Variants in ITFG2 observed in about 807,000 individuals in gnomAD.
ITFG2 encodes KICSTOR complex protein ITFG2.
A neutral mutation model predicts 54.4 loss-of-function variants in ITFG2; 36 were observed. That is an observed-to-expected ratio of 0.66 (90% CI 0.51 to 0.87). The LOEUF (loss-of-function observed/expected upper bound fraction) is 0.87. Ranked by LOEUF, ITFG2 falls within the 40% of genes least tolerant of loss-of-function variation. ITFG2 has a pLI of 0.00. For synonymous variants in ITFG2, 211 were observed against 225.4 expected, an observed-to-expected ratio of 0.94 and a Z score of 0.57; for missense variants, 524 against 576.7, an observed-to-expected ratio of 0.91 and a Z score of 0.94.
intron 4 of ITFG2, chr12:2,819,816 G>T (rs971603582): frequency 1.4e-4 from 43 of 300,004 alleles, no homozygotes; most frequent in African/African-American, 9.1e-4. Flanking sequence ...GTAGGTGGTG[G>T]GAGATACGTG....
rs778583431 is a variant in ITFG2 at position 2,855,211 on chromosome 12, C to T, written n.301-2801C>T. On this transcript the variant is annotated intron_variant and non_coding_transcript_variant, in intron 2 of 3. Transcript: ENST00000537710. ...CTGGGTGGGGAAGGTGGCAGGCAGA[C>T]GGCACACATCGAGCCACGTGTGAAA... The T allele has an allele frequency of 1.1e-5, 16 of 1,504,574 alleles. 1 individual carries two copies. The highest frequency in any genetic ancestry group is 4.9e-5 in the East Asian group (2 of 40,480). The allele number at this position is 1,504,574 out of a possible 1,614,324, so 93.2% of individuals were successfully genotyped here.
intron 2 of ITFG2, chr12:2,857,035 G>T: frequency 1.4e-6 from 1 of 702,946 alleles, no homozygotes; most frequent in Non-Finnish European, 2.6e-6. Flanking sequence ...ATTCTTCTGG[G>T]CCTCAGAGCC....
chr12:2,834,572 T>A, upstream of ITFG2: 1 of 1,515,484 alleles, frequency 6.6e-7, no homozygotes, highest in Non-Finnish European at 8.8e-7. Context: ...TGGTCCTGCC[T>A]CCTGCTCAGG....
rs117429399 is a variant in ITFG2, at chr12:2,845,838, A to G, written n.300+4843A>G. ...GGAGGTTGCTCATGCTTGCCAGCCAAGTGTATGTAGGCTGAGCTGGGGTGA... is the reference window on the plus strand; with the variant it reads ...GGAGGTTGCTCATGCTTGCCAGCCAGGTGTATGTAGGCTGAGCTGGGGTGA... On this transcript the variant is annotated intron_variant and non_coding_transcript_variant, in intron 2 of 3. Transcript: ENST00000537710. The surrounding 1 kb of genome is among the most constrained non-coding windows in gnomAD (Gnocchi z 4.2). Among the ~76,000 whole-genome samples the G allele has an allele frequency of 6.6e-5, 10 of 152,062 alleles. No homozygotes were observed. The East Asian group carries it at 1.9e-3, about 29-fold the overall frequency.
In ITFG2 at chr12:2,818,374, T is replaced by C. The variant is rs1370824122; in HGVS notation, c.406+97T>C. 5.1e-6 allele frequency: 8 copies of C among 1,559,516 alleles called. No individual in the cohort carries two copies. The East Asian group carries it at 1.9e-4, about 36-fold the overall frequency. On this transcript the variant is annotated intron_variant, in intron 4 of 11. Transcript: ENST00000228799. ...TTGGGGTGAGAGGGAGAATCCGTAT[T>C]CATGTATGCATTTGTTATGTGCTGA...
rs1331566267 is a variant in ITFG2, at chr12:2,845,736, T to C, written n.300+4741T>C. ...GAGTGGATCTTTAGGCAGATACAGA[T>C]ACAGAGATTCCCCCCACCCCACCCC... is the stretch of plus-strand genomic sequence containing the variant. On this transcript the variant is annotated intron_variant and non_coding_transcript_variant, in intron 2 of 3. Transcript: ENST00000537710. The surrounding 1 kb of genome is among the most constrained non-coding windows in gnomAD (Gnocchi z 4.2). Among the ~76,000 whole-genome samples the C allele has an allele frequency of 1.3e-5, 2 of 152,060 alleles. No homozygotes were observed. Among genetic ancestry groups the C allele is most frequent in the Admixed American group, 6.6e-5 (1 of 15,244 alleles).
chr12:2,814,641 G>A (rs961109679), intron 1 of ITFG2, among the ~76,000 whole-genome samples: 11 of 152,120 alleles, frequency 7.2e-5, no homozygotes, highest in African/African-American at 2.7e-4. Flanking sequence ...ACCAGCCTGG[G>A]CAACACAGGG....
intron 2 of ITFG2, among the ~76,000 whole-genome samples, chr12:2,842,967 T>C (rs1411311174): frequency 6.6e-6 from 1 of 152,166 alleles, no homozygotes; most frequent in Admixed American, 6.5e-5. Flanking sequence ...GTCATAGCCG[T>C]TCATGCCTTC....
intron 2 of ITFG2, among the ~76,000 whole-genome samples, chr12:2,847,379 C>T (rs1354450202): frequency 6.6e-6 from 1 of 152,166 alleles, no homozygotes; most frequent in Non-Finnish European, 1.5e-5. Context: ...TAACTCCCGG[C>T]CAGACGCGGT....
intron 2 of ITFG2, chr12:2,817,564 T>C (rs1249082478): frequency 7.4e-6 from 4 of 537,622 alleles, no homozygotes; most frequent in East Asian, 2.9e-5. Flanking sequence ...TGACACTTTA[T>C]GGAAGTTGCC....
At chr12:2,844,649 C>G (rs2098049306) in intron 2 of ITFG2, among the ~76,000 whole-genome samples, 1 of 152,082 alleles carries the variant, frequency 6.6e-6, no homozygotes, top group Admixed American at 6.5e-5. Flanking sequence ...CTTCAGCACT[C>G]CTGTCCCTCC....
At chr12:2,849,709 A>ATG (rs1463067157) in intron 2 of ITFG2, among the ~76,000 whole-genome samples, 1 of 152,098 alleles carries the variant, frequency 6.6e-6, no homozygotes, top group African/African-American at 2.4e-5. Context: ...CCTGCACCTT[A>ATG]TGTGTGTGTG....
At chr12:2,849,247 C>G in intron 2 of ITFG2, 1 of 1,535,890 alleles carries the variant, frequency 6.5e-7, no homozygotes, top group Non-Finnish European at 8.7e-7. Context: ...GTGTCCAGGT[C>G]TTCTCTTCCT....
chr12:2,826,902 AC>A, downstream of ITFG2: 1 of 1,015,600 alleles, frequency 9.8e-7, no homozygotes, highest in Non-Finnish European at 1.3e-6. Context: ...CCAAGCAGGC[AC>A]CCCATTGTGC....
At position 2,812,862 on chromosome 12, in the gene ITFG2, T is replaced by C. The variant is rs1448271148; in HGVS notation, c.96+6T>C. ...GAGACGTTGATAACGATACGGTAGG[T>C]GCATGCGCACCGCAAGAGACAGCCT... On this transcript the variant is annotated splice_donor_region_variant and intron_variant, in intron 1 of 11. Transcript: ENST00000228799. The C allele has an allele frequency of 6.2e-7, 1 of 1,603,910 alleles. No individual in the cohort carries two copies.
Position 2,821,690 on chromosome 12 carries a change from A to G in ITFG2, c.848-2A>G. The G allele has an allele frequency of 6.2e-7, 1 of 1,614,124 alleles. No individual in the cohort carries two copies. The highest frequency in any genetic ancestry group is 2.2e-5 in the East Asian group (1 of 44,874). On this transcript the variant is annotated splice_acceptor_variant, in intron 8 of 11. Transcript: ENST00000228799. LOFTEE classifies it high-confidence loss of function. ...ACACTCAGCCTGCCTCTCCCCCGGC[A>G]GGGACACTGAAGCTCATGGAAGAAA...
At chr12:2,821,476 A>G in intron 7 of ITFG2, 67 bp from the exon 8 acceptor site, 1 of 1,579,640 alleles carries the variant, frequency 6.3e-7, no homozygotes, top group South Asian at 1.1e-5. Context: ...CTGCTGCAGA[A>G]CACCCCTCTC....
At chr12:2,819,157 C>T (rs11062369) in intron 4 of ITFG2, among the ~76,000 whole-genome samples, 18,302 of 151,934 alleles carry the variant, frequency 0.12, 1,437 homozygotes, top group Non-Finnish European at 0.18. Context: ...AGTGAAACCC[C>T]GTCTCCAGTA....
rs748473297 is a variant in ITFG2, at chr12:2,817,350, G to A, written c.192+32G>A. On this transcript the variant is annotated intron_variant, in intron 2 of 11. Transcript: ENST00000228799. ...ATTCACTTCCCTGGGCCTGGAGGGGGGAAGGGATCCCTTCTGTCCAGGGAC... is the reference window on the plus strand; with the variant it reads ...ATTCACTTCCCTGGGCCTGGAGGGGAGAAGGGATCCCTTCTGTCCAGGGAC... 1.7e-5 allele frequency: 25 copies of A among 1,506,410 alleles called. No individual in the cohort carries two copies. The South Asian group carries it at 2.9e-4, about 17-fold the overall frequency. 93.3% of individuals were successfully genotyped at this position (1,506,410 alleles called of 1,614,324 possible).
Sources: gnomAD v4.1 joint callset for allele counts (sites outside exome capture counted in the v4.1 genomes callset) on GRCh38, gnomAD v4.1.1 for gene constraint, Gnocchi (gnomAD v3.1) non-coding constraint, MANE v1.5 for transcripts, NCBI Gene and HGNC (gene_info 2026-07-23, HGNC 2026-07-21) for gene names.